Variants in BAZ2B observed in about 807,000 individuals in gnomAD.
The protein encoded by BAZ2B is bromodomain adjacent to zinc finger domain 2B.
Under a neutral mutation model 246.0 loss-of-function variants are expected in BAZ2B, and 91 were observed. The observed-to-expected ratio is 0.37, with a 90% CI of 0.31 to 0.44. The LOEUF is 0.44. Among genes scored for constraint, BAZ2B ranks in the 20% least tolerant of loss-of-function variants. The pLI is 1.00. For synonymous variants in BAZ2B, 855 were observed against 860.0 expected, an observed-to-expected ratio of 0.99 and a Z score of 0.10; for missense variants, 2,332 against 2,533.7, an observed-to-expected ratio of 0.92 and a Z score of 1.71.
the BAZ2B span, among the ~76,000 whole-genome samples, chr2:159,676,994 A>G: frequency 1.5e-5 from 2 of 134,890 alleles, no homozygotes; most frequent in Non-Finnish European, 3.2e-5. Context: ...ATATATATAT[A>G]TTACAATTTT....
chr2:159,594,798 A>C (rs565343240), intron 1 of BAZ2B, among the ~76,000 whole-genome samples: 235 of 152,186 alleles, frequency 1.5e-3, no homozygotes, highest in Non-Finnish European at 2.8e-3. Context: ...TACCCAGTGA[A>C]TTTTTTGTAG....
At chr2:159,565,613 CA>C (rs562561544) in intron 1 of BAZ2B, among the ~76,000 whole-genome samples, 2 of 151,924 alleles carry the variant, frequency 1.3e-5, no homozygotes, top group South Asian at 4.1e-4. Context: ...CCTGTCTTTA[CA>C]AAAAATACAA....
chr2:159,335,384 T>C (rs146639713), intron 33 of BAZ2B, among the ~76,000 whole-genome samples: 4,229 of 151,926 alleles, frequency 0.028, 199 homozygotes, highest in African/African-American at 0.097. Flanking sequence ...CTGTCTTTAC[T>C]GAAAATACAA....
At chr2:159,412,626 A>T in intron 13 of BAZ2B, 81 bp from the exon 14 acceptor site, 1 of 1,347,428 alleles carries the variant, frequency 7.4e-7, no homozygotes, top group Non-Finnish European at 1.0e-6. Flanking sequence ...AATTCTAGCT[A>T]AAAATCACAT....
intron 1 of BAZ2B, among the ~76,000 whole-genome samples, chr2:159,614,713 C>G (rs1040587373): frequency 1.3e-5 from 2 of 151,734 alleles, no homozygotes; most frequent in South Asian, 2.1e-4. Flanking sequence ...CACCTGTTAC[C>G]AAAACATACA....
chr2:159,661,605 A>G, the BAZ2B span, among the ~76,000 whole-genome samples: 1 of 152,216 alleles, frequency 6.6e-6, no homozygotes, highest in Non-Finnish European at 1.5e-5. Flanking sequence ...AACCCAGTGC[A>G]ATCAGTTTTA....
intron 2 of BAZ2B, among the ~76,000 whole-genome samples, chr2:159,509,655 T>C (rs934274310): frequency 2.6e-5 from 4 of 152,162 alleles, no homozygotes; most frequent in Non-Finnish European, 5.9e-5. Context: ...GTAAAATTAC[T>C]ACATGAATTG....
the BAZ2B span, among the ~76,000 whole-genome samples, chr2:159,645,485 A>C: frequency 6.6e-6 from 1 of 151,946 alleles, no homozygotes; most frequent in East Asian, 1.9e-4. Flanking sequence ...AGGAGTGTGC[A>C]ACCTAGATCC....
intron 21 of BAZ2B, among the ~76,000 whole-genome samples, chr2:159,388,077 G>C (rs1480789940): frequency 6.6e-6 from 1 of 151,826 alleles, no homozygotes; most frequent in Non-Finnish European, 1.5e-5. Flanking sequence ...GTATACATAT[G>C]TAACTAACCT....
upstream of BAZ2B, among the ~76,000 whole-genome samples, chr2:159,618,589 A>C (rs1322563203): frequency 6.6e-6 from 1 of 152,152 alleles, no homozygotes; most frequent in Non-Finnish European, 1.5e-5. Flanking sequence ...TTGTTCTATA[A>C]TGGTGGTCAT....
chr2:159,522,417 T>A (rs1349874055), intron 2 of BAZ2B, among the ~76,000 whole-genome samples: 1 of 152,160 alleles, frequency 6.6e-6, no homozygotes, highest in South Asian at 2.1e-4. Context: ...TAATTCATAA[T>A]AATAACAGCT....
At chr2:159,661,995 T>C in the BAZ2B span, among the ~76,000 whole-genome samples, 1 of 152,158 alleles carries the variant, frequency 6.6e-6, no homozygotes, top group Admixed American at 6.5e-5. Flanking sequence ...AGACAGGTAT[T>C]CCCTTATTTC....
At position 159,400,593 on chromosome 2, in the gene BAZ2B, T is replaced by C. The variant is rs771786100; in HGVS notation, c.2898+6A>G. 4 of 1,528,792 alleles carry C rather than the reference T, an allele frequency of 2.6e-6. No individual in the cohort carries two copies. The highest frequency in any genetic ancestry group is 1.2e-5 in the South Asian group (1 of 85,756). The allele number at this position is 1,528,792 out of a possible 1,614,324, so 94.7% of individuals were successfully genotyped here. On this transcript the variant is annotated splice_donor_region_variant and intron_variant, in intron 17 of 36. Coordinates refer to ENST00000392783, the MANE Select transcript of BAZ2B (RefSeq NM_013450.4). The stretch of plus-strand genomic sequence containing the variant: ...ACTTTAATTATATTAAATTTAAGAC[T>C]TCTACCTCTAGAATTTGCTGAGCTC...
intron 2 of BAZ2B, among the ~76,000 whole-genome samples, chr2:159,551,235 C>T (rs1012290972): frequency 6.6e-6 from 1 of 152,018 alleles, no homozygotes; most frequent in South Asian, 2.1e-4. Context: ...TTTGGGAGGC[C>T]GAGGTGGGCG....
intron 34 of BAZ2B, 101 bp from the exon 35 acceptor site, chr2:159,326,019 A>G (rs377330274): frequency 9.0e-6 from 9 of 998,040 alleles, no homozygotes; most frequent in East Asian, 2.9e-5. Context: ...AAGTAAAAAG[A>G]ATAACTCTGA....
At chr2:159,460,856 C>T (rs766086046) in intron 3 of BAZ2B, 13 of 152,078 alleles carry the variant, frequency 8.5e-5, no homozygotes, top group South Asian at 2.1e-4. Flanking sequence ...GGTGACAAAA[C>T]ATTTCTCTCC....
At chr2:159,650,550 C>T in the BAZ2B span, among the ~76,000 whole-genome samples, 4 of 152,140 alleles carry the variant, frequency 2.6e-5, no homozygotes, top group African/African-American at 7.2e-5. Context: ...GTACAGTCTT[C>T]CCTCTTCTAA....
the BAZ2B span, among the ~76,000 whole-genome samples, chr2:159,705,568 G>A: frequency 3.3e-5 from 5 of 152,012 alleles, no homozygotes; most frequent in South Asian, 2.1e-4. Flanking sequence ...TTACAGAATT[G>A]GTCTTTCTAA....
At chr2:159,531,855 A>G (rs2151323179) in intron 2 of BAZ2B, among the ~76,000 whole-genome samples, 1 of 152,292 alleles carries the variant, frequency 6.6e-6, no homozygotes, top group African/African-American at 2.4e-5. Context: ...GCTGCTCTCT[A>G]AAGTACCATT....
Sources: allele counts gnomAD v4.1 joint callset (sites outside exome capture counted in the v4.1 genomes callset), GRCh38; gene constraint gnomAD v4.1.1; transcripts MANE v1.5; gene names NCBI Gene and HGNC (gene_info 2026-07-23, HGNC 2026-07-21).